SAMMSON: variants seen among roughly 807,000 people sequenced by gnomAD.
SAMMSON encodes long intergenic non-protein coding RNA 1212.
chr3:70,076,717 T>C (rs1576115796), intron 4 of SAMMSON, among the ~76,000 whole-genome samples: 1 of 152,258 alleles, frequency 6.6e-6, no homozygotes, highest in East Asian at 1.9e-4. Flanking sequence ...TTAACCAAGG[T>C]GTCACATGCT....
At chr3:70,289,911 C>G (rs1168481796) in intron 6 of SAMMSON, among the ~76,000 whole-genome samples, 1 of 151,984 alleles carries the variant, frequency 6.6e-6, no homozygotes, top group African/African-American at 2.4e-5. Flanking sequence ...TCAGCTCCAT[C>G]AGCTCCTTTA....
At chr3:70,218,468 A>G (rs767726291) in intron 4 of SAMMSON, among the ~76,000 whole-genome samples, 24 of 152,128 alleles carry the variant, frequency 1.6e-4, no homozygotes, top group Non-Finnish European at 2.8e-4. Flanking sequence ...AGTACTCTAC[A>G]TCCCTCTTTT....
At chr3:70,172,531 A>C (rs554005347) in intron 4 of SAMMSON, 1 of 152,074 alleles carries the variant, frequency 6.6e-6, no homozygotes, top group East Asian at 1.9e-4. Flanking sequence ...TTGAAGAGCT[A>C]TTCTGCTTAG....
At chr3:70,065,542 TG>T (rs1239725584) in intron 3 of SAMMSON, among the ~76,000 whole-genome samples, 3 of 152,004 alleles carry the variant, frequency 2.0e-5, no homozygotes, top group Non-Finnish European at 4.4e-5. Context: ...AAAAAAAATG[TG>T]AGAAATCTGA....
At chr3:70,165,605 C>T (rs944965300) in intron 4 of SAMMSON, among the ~76,000 whole-genome samples, 1 of 151,956 alleles carries the variant, frequency 6.6e-6, no homozygotes, top group South Asian at 2.1e-4. Flanking sequence ...TGTCATAGTA[C>T]TCCCAATGAC....
At chr3:70,364,673 A>G (rs772349215) in intron 9 of SAMMSON, among the ~76,000 whole-genome samples, 1 of 151,732 alleles carries the variant, frequency 6.6e-6, no homozygotes, top group Non-Finnish European at 1.5e-5. Flanking sequence ...TATCCAGGAC[A>G]TTTTTCTTGC....
At chr3:70,346,343 A>G (rs912659262) in intron 7 of SAMMSON, among the ~76,000 whole-genome samples, 5 of 143,086 alleles carry the variant, frequency 3.5e-5, no homozygotes, top group East Asian at 2.0e-4. Context: ...GGTGTTGTAT[A>G]TAAAAACTCA....
chr3:70,425,355 CTT>C (rs1407431088), intron 2 of SAMMSON, among the ~76,000 whole-genome samples: 1 of 152,086 alleles, frequency 6.6e-6, no homozygotes, highest in African/African-American at 2.4e-5. Flanking sequence ...AATATCCTCT[CTT>C]AACCAGCAGA....
chr3:70,373,839 ATATCTTTC>A (rs1559575420), intron 9 of SAMMSON, among the ~76,000 whole-genome samples: 1 of 151,856 alleles, frequency 6.6e-6, no homozygotes, highest in Non-Finnish European at 1.5e-5. Flanking sequence ...CTGTAGAAAG[ATATCTTTC>A]ATTTTTTAAA....
At chr3:70,189,388 G>A (rs1448295978) in intron 4 of SAMMSON, among the ~76,000 whole-genome samples, 1 of 152,156 alleles carries the variant, frequency 6.6e-6, no homozygotes, top group Non-Finnish European at 1.5e-5. Context: ...ATGCAAATGT[G>A]CTGAAAGTTC....
intron 4 of SAMMSON, chr3:70,183,423 A>G (rs1701069185): frequency 6.6e-6 from 1 of 152,200 alleles, no homozygotes; most frequent in African/African-American, 2.4e-5. Flanking sequence ...AAGAGTTGGA[A>G]CACAGTCCTT....
chr3:70,243,596 G>A (rs1559543348), intron 4 of SAMMSON, among the ~76,000 whole-genome samples: 1 of 152,002 alleles, frequency 6.6e-6, no homozygotes, highest in Non-Finnish European at 1.5e-5. Flanking sequence ...CTTTGTCGTG[G>A]GGGTGCTGTG....
chr3:70,070,534 T>C (rs2067225771), intron 3 of SAMMSON, among the ~76,000 whole-genome samples: 1 of 152,050 alleles, frequency 6.6e-6, no homozygotes, highest in South Asian at 2.1e-4. Flanking sequence ...TAATTTATGT[T>C]TTAATGGAAT....
chr3:70,238,464 T>A (rs375770543), intron 4 of SAMMSON, among the ~76,000 whole-genome samples: 50 of 151,994 alleles, frequency 3.3e-4, no homozygotes, highest in Middle Eastern at 3.4e-3. Context: ...AAATAAATAA[T>A]TAGCCAGGTA....
chr3:70,221,814 G>A (rs1576160360), intron 4 of SAMMSON, among the ~76,000 whole-genome samples: 1 of 151,964 alleles, frequency 6.6e-6, no homozygotes, highest in Admixed American at 6.6e-5. Context: ...CCATTTACAG[G>A]ACATTGCTAA....
At chr3:70,140,448 AC>A in intron 4 of SAMMSON, 1 of 184,986 alleles carries the variant, frequency 5.4e-6, no homozygotes, top group Admixed American at 5.2e-5. Context: ...CATGCAAGGG[AC>A]CACTGAGTGA....
At chr3:70,054,043 A>G (rs2067157338) in intron 3 of SAMMSON, among the ~76,000 whole-genome samples, 1 of 152,134 alleles carries the variant, frequency 6.6e-6, no homozygotes, top group Admixed American at 6.5e-5. Context: ...TTGAATAACA[A>G]CTGGTTGGCA....
chr3:70,068,915 G>A (rs1193087966), intron 3 of SAMMSON: 1 of 152,054 alleles, frequency 6.6e-6, no homozygotes, highest in Non-Finnish European at 1.5e-5. Context: ...AGCAGTCGAA[G>A]TTATTACTGT....
chr3:70,367,398 AT>A (rs1332313726), intron 9 of SAMMSON, among the ~76,000 whole-genome samples: 1 of 151,402 alleles, frequency 6.6e-6, no homozygotes, highest in East Asian at 1.9e-4. Flanking sequence ...TTTTTTAAAA[AT>A]TTTTTAATTG....
Sources: allele counts gnomAD v4.1 joint callset (sites outside exome capture counted in the v4.1 genomes callset), GRCh38; gene constraint gnomAD v4.1.1; transcripts MANE v1.5; gene names NCBI Gene and HGNC (gene_info 2026-07-23, HGNC 2026-07-21).